TPTE2: variants seen among roughly 807,000 people sequenced by gnomAD.
The protein encoded by TPTE2 is phosphatidylinositol 3,4,5-trisphosphate 3-phosphatase TPTE2.
TPTE2 carries 53 observed loss-of-function variants against 78.6 expected under a neutral mutation model. That is an observed-to-expected ratio of 0.67 (90% CI 0.54 to 0.85). The LOEUF (loss-of-function observed/expected upper bound fraction) is 0.85. TPTE2 is among the 40% of genes least tolerant of loss of function. The pLI, the probability that TPTE2 is intolerant of heterozygous loss-of-function variation, is 0.00. For missense variants in TPTE2, 461 were observed against 623.0 expected (o/e 0.74, Z 2.77); for synonymous variants, 175 against 206.2 (o/e 0.85, Z 1.30).
the TPTE2 span, chr13:19,560,669 G>T: frequency 6.5e-7 from 1 of 1,538,752 alleles, no homozygotes; most frequent in Non-Finnish European, 8.9e-7. Flanking sequence ...AGCTTCTCAG[G>T]CTCAACCACC....
Position 19,452,778 on chromosome 13 carries a change from CT to C in TPTE2, c.742-1554del, listed in dbSNP as rs146474514. 8.7e-3 allele frequency among the ~76,000 whole-genome samples: 1,321 copies of C among 152,142 alleles called. 25 individuals carry two copies. The highest frequency in any genetic ancestry group is 0.03 in the African/African-American group (1,254 of 41,518). On this transcript the variant is annotated intron_variant, in intron 10 of 19. Transcript: ENST00000400230. The stretch of plus-strand genomic sequence containing the variant: ...TAAGAACCCTAAAAATATTCATACT[CT>C]TAGCTAGGTAATTTCACTCCTAGCA...
chr13:19,433,396 G>A (rs1329812748), intron 15 of TPTE2, among the ~76,000 whole-genome samples: 6 of 152,148 alleles, frequency 3.9e-5, no homozygotes, highest in Non-Finnish European at 7.3e-5. Flanking sequence ...CCCAGCACTC[G>A]GGAGGCTGAG....
rs562834534 is a variant in TPTE2 at position 19,520,163 on chromosome 13, T to C, written c.-44+16433A>G. Among the ~76,000 whole-genome samples, 27 of 152,210 alleles carry C rather than the reference T, an allele frequency of 1.8e-4. 1 individual carries two copies. Among genetic ancestry groups the C allele is most frequent in the Admixed American group, 6.5e-4 (10 of 15,282 alleles). ...TTGTGGGTTCCTTAGATTTTCTATA[T>C]ACAACATTATTTATCTGCAAAAAAA... On this transcript the variant is annotated intron_variant, in intron 1 of 17. Coordinates refer to the TPTE2 transcript ENST00000390680.
intron 3 of TPTE2, among the ~76,000 whole-genome samples, chr13:19,491,318 C>T (rs1880975737): frequency 6.6e-6 from 1 of 152,146 alleles, no homozygotes; most frequent in Admixed American, 6.6e-5. Flanking sequence ...ATGAATTTCT[C>T]TTTTTGACAC....
intron 6 of TPTE2, among the ~76,000 whole-genome samples, chr13:19,473,119 T>G (rs1188548735): frequency 1.3e-5 from 2 of 152,244 alleles, no homozygotes; most frequent in African/African-American, 2.4e-5. Flanking sequence ...CAAGCACCCC[T>G]GTGGCCACCA....
At position 19,451,261 on chromosome 13, in the gene TPTE2, T is replaced by C. The variant is rs367930317; in HGVS notation, c.742-36A>G. 405 of 1,612,522 alleles carry C rather than the reference T, an allele frequency of 2.5e-4. 5 individuals are homozygous for C. In the South Asian group the frequency reaches 4.3e-3, roughly 17 times the overall value. Reference sequence around the variant, plus strand: ...CAAACACATATCTTACATATTTACATGGCACCAACACAAGCTATTTCCTAG... The same window carrying C: ...CAAACACATATCTTACATATTTACACGGCACCAACACAAGCTATTTCCTAG... On this transcript the variant is annotated intron_variant, in intron 10 of 19. Coordinates refer to ENST00000400230, the Ensembl canonical transcript of TPTE2.
At chr13:19,425,808 T>A in intron 18 of TPTE2, 1 of 426,098 alleles carries the variant, frequency 2.3e-6, no homozygotes, top group South Asian at 1.6e-5. Flanking sequence ...CCCTTCCAGT[T>A]GGCCCTGTGT....
chr13:19,452,309 T>G (rs1195219419), intron 10 of TPTE2, among the ~76,000 whole-genome samples: 1 of 152,110 alleles, frequency 6.6e-6, no homozygotes, highest in Non-Finnish European at 1.5e-5. Context: ...GAGGAAGAAC[T>G]AAAGGTGTTG....
intron 3 of TPTE2, among the ~76,000 whole-genome samples, chr13:19,485,468 T>C (rs942513781): frequency 6.6e-6 from 1 of 152,152 alleles, no homozygotes; most frequent in Non-Finnish European, 1.5e-5. Flanking sequence ...TTTCTCTTGC[T>C]ATTTTAAAAA....
the TPTE2 span, among the ~76,000 whole-genome samples, chr13:19,546,753 G>T: frequency 6.6e-6 from 1 of 151,862 alleles, no homozygotes; most frequent in Non-Finnish European, 1.5e-5. Flanking sequence ...GCCTCCAAAA[G>T]TGCTGGGACT....
upstream of TPTE2, among the ~76,000 whole-genome samples, chr13:19,507,476 G>A (rs1869150769): frequency 6.6e-6 from 1 of 152,084 alleles, no homozygotes; most frequent in South Asian, 2.1e-4. Context: ...AGCCATCCTT[G>A]GGCCTTCACT....
At chr13:19,467,103 A>T in intron 7 of TPTE2, 122 bp downstream of exon 10, 2 of 1,241,734 alleles carry the variant, frequency 1.6e-6, no homozygotes, top group Non-Finnish European at 2.2e-6. Flanking sequence ...ATTTCATTTT[A>T]AAGCAATGTA....
intron 1 of TPTE2, among the ~76,000 whole-genome samples, chr13:19,530,612 G>A (rs1870809576): frequency 6.6e-6 from 1 of 151,864 alleles, no homozygotes; most frequent in African/African-American, 2.4e-5. Context: ...TGGCATGATC[G>A]CAGATCACTG....
At chr13:19,506,405 C>T (rs1869047318), upstream of TPTE2, among the ~76,000 whole-genome samples, 1 of 151,622 alleles carries the variant, frequency 6.6e-6, no homozygotes, top group South Asian at 2.1e-4. Context: ...GATCTCCTGA[C>T]CTCGTGATCC....
chr13:19,541,439 A>G (rs1030945827), upstream of TPTE2, among the ~76,000 whole-genome samples: 2 of 152,182 alleles, frequency 1.3e-5, no homozygotes, highest in Non-Finnish European at 2.9e-5. Context: ...AATCCTAATC[A>G]CTTTTTTTAT....
At chr13:19,532,913 A>AG (rs1327308444) in intron 1 of TPTE2, among the ~76,000 whole-genome samples, 7 of 152,316 alleles carry the variant, frequency 4.6e-5, no homozygotes, top group East Asian at 1.9e-4. Flanking sequence ...GAGTGACTTA[A>AG]AGCAGGAGGA....
At chr13:19,492,803 C>G (rs1357332741) in intron 3 of TPTE2, 47 bp downstream of exon 6, 1 of 1,604,408 alleles carries the variant, frequency 6.2e-7, no homozygotes, top group Admixed American at 1.7e-5. Flanking sequence ...GTGTACAGCT[C>G]TATGCACTCT....
upstream of TPTE2, among the ~76,000 whole-genome samples, chr13:19,505,042 A>G (rs1458777333): frequency 6.6e-6 from 1 of 152,168 alleles, no homozygotes; most frequent in East Asian, 1.9e-4. Flanking sequence ...GGACACACAT[A>G]TAATTCTAAA....
chr13:19,516,496 A>G (rs1869802111), intron 1 of TPTE2, among the ~76,000 whole-genome samples: 1 of 152,204 alleles, frequency 6.6e-6, no homozygotes, highest in African/African-American at 2.4e-5. Context: ...GCTGTCTCCA[A>G]AACACTTTAG....
Sources: gnomAD v4.1 joint callset for allele counts (sites outside exome capture counted in the v4.1 genomes callset) on GRCh38, gnomAD v4.1.1 for gene constraint, MANE v1.5 for transcripts, NCBI Gene and HGNC (gene_info 2026-07-23, HGNC 2026-07-21) for gene names.